DAB1: variants seen among roughly 807,000 people sequenced by gnomAD.
DAB1 encodes the protein disabled homolog 1.
A neutral mutation model predicts 64.6 loss-of-function variants in DAB1; 15 were observed. The ratio of observed to expected loss-of-function variants is 0.23; its 90% CI spans 0.16 to 0.36. The LOEUF is 0.36. Among genes scored for constraint, DAB1 ranks in the 10% least tolerant of loss-of-function variants. The pLI is 1.00. For missense variants in DAB1, 596 were observed against 706.7 expected (o/e 0.84, Z 1.78); for synonymous variants, 235 against 251.9 (o/e 0.93, Z 0.64).
chr1:58,396,233 A>G (rs1456256519), intron 3 of DAB1, among the ~76,000 whole-genome samples: 1 of 152,106 alleles, frequency 6.6e-6, no homozygotes, highest in African/African-American at 2.4e-5. Context: ...GCTGGTCAAG[A>G]GGCCAGCCAT....
At chr1:57,700,882 T>C (rs1646898922) in intron 6 of DAB1, among the ~76,000 whole-genome samples, 2 of 152,184 alleles carry the variant, frequency 1.3e-5, no homozygotes, top group East Asian at 3.8e-4. Context: ...TTCTGCTTTC[T>C]TTTTTTCCTC....
rs190805416 is a variant in DAB1 at position 58,235,193 on chromosome 1, T to C, written n.310-84605A>G. 3.3e-5 allele frequency among the ~76,000 whole-genome samples: 5 copies of C among 152,322 alleles called. No homozygotes were observed. In the East Asian group the frequency reaches 9.6e-4, roughly 29 times the overall value. On this transcript the variant is annotated intron_variant and non_coding_transcript_variant, in intron 4 of 20. Coordinates refer to the DAB1 transcript ENST00000485760. ...TACTCTGAGCTCTGAGCCAAATGCT[T>C]ATCTCCTTTAATGCCCACAGGCATC...
At chr1:58,533,082 T>C (rs1226259135) in intron 1 of DAB1, among the ~76,000 whole-genome samples, 1 of 152,220 alleles carries the variant, frequency 6.6e-6, no homozygotes, top group African/African-American at 2.4e-5. Flanking sequence ...ATACTTTCTC[T>C]AATGTAGACA....
At chr1:57,852,318 T>G (rs72918535) in intron 1 of DAB1, among the ~76,000 whole-genome samples, 4,703 of 152,324 alleles carry the variant, frequency 0.031, 234 homozygotes, top group African/African-American at 0.11. Flanking sequence ...TACCCTTTTT[T>G]GTCCAGGCAC....
intron 1 of DAB1, among the ~76,000 whole-genome samples, chr1:57,320,090 G>A (rs1293776034): frequency 6.6e-6 from 1 of 152,174 alleles, no homozygotes; most frequent in Non-Finnish European, 1.5e-5. Flanking sequence ...CTTAAGTACT[G>A]TGATAGGGTT....
chr1:58,119,670 GGAGCA>G (rs1436633391), intron 5 of DAB1, among the ~76,000 whole-genome samples: 2 of 152,158 alleles, frequency 1.3e-5, no homozygotes, highest in Non-Finnish European at 2.9e-5. Flanking sequence ...CAGGCAAGCT[GGAGCA>G]GAGAAATAGC....
At chr1:57,581,892 C>G (rs1645317663) in intron 7 of DAB1, among the ~76,000 whole-genome samples, 2 of 152,088 alleles carry the variant, frequency 1.3e-5, no homozygotes. Flanking sequence ...AACAACATAC[C>G]ATAGACTGGG....
intron 14 of DAB1, among the ~76,000 whole-genome samples, chr1:57,000,059 TTTGAGATG>T (rs1645791660): frequency 6.7e-6 from 1 of 149,752 alleles, no homozygotes; most frequent in Non-Finnish European, 1.5e-5. Context: ...TTTTTTTTTT[TTTGAGATG>T]GAGTCTCACT....
intron 6 of DAB1, 60 bp from the exon 7 acceptor site, chr1:57,071,121 G>T: frequency 6.8e-7 from 1 of 1,465,550 alleles, no homozygotes; most frequent in Non-Finnish European, 9.5e-7. Context: ...AGAGATGTGA[G>T]ACTGCATTCA....
chr1:57,728,202 T>G (rs1483201929), intron 6 of DAB1, among the ~76,000 whole-genome samples: 2 of 151,934 alleles, frequency 1.3e-5, no homozygotes, highest in Non-Finnish European at 2.9e-5. Flanking sequence ...CATGTGCCTG[T>G]TTTTTTCTGC....
chr1:57,534,897 T>C (rs1288138453), intron 7 of DAB1, among the ~76,000 whole-genome samples: 4 of 152,222 alleles, frequency 2.6e-5, no homozygotes. Context: ...TGCAAAATCA[T>C]GTTACAAAAA....
chr1:57,537,513 G>C (rs1644744973), intron 7 of DAB1, among the ~76,000 whole-genome samples: 1 of 152,088 alleles, frequency 6.6e-6, no homozygotes, highest in Non-Finnish European at 1.5e-5. Context: ...TTTTAAGTTA[G>C]CTTTCCATCT....
intron 4 of DAB1, among the ~76,000 whole-genome samples, chr1:58,245,425 G>C (rs1323202130): frequency 6.6e-6 from 1 of 152,134 alleles, no homozygotes; most frequent in Non-Finnish European, 1.5e-5. Context: ...ATCTGCAAAA[G>C]GACAAGGACA....
intron 5 of DAB1, among the ~76,000 whole-genome samples, chr1:57,947,161 C>A (rs1293710668): frequency 1.3e-5 from 2 of 152,104 alleles, no homozygotes; most frequent in African/African-American, 4.8e-5. Flanking sequence ...TAAAAAGTAA[C>A]TTGCCCAGGA....
chr1:57,730,798 G>T (rs1647376245), intron 6 of DAB1, among the ~76,000 whole-genome samples: 1 of 152,184 alleles, frequency 6.6e-6, no homozygotes, highest in African/African-American at 2.4e-5. Context: ...GATTCAGATG[G>T]CTATTACGAA....
chr1:57,990,218 T>G (rs1415747764), intron 5 of DAB1, among the ~76,000 whole-genome samples: 1 of 152,156 alleles, frequency 6.6e-6, no homozygotes, highest in African/African-American at 2.4e-5. Flanking sequence ...ATGCTGCTGA[T>G]GCAACAGCAG....
chr1:57,960,899 G>C (rs1210948254), intron 5 of DAB1, among the ~76,000 whole-genome samples: 2 of 152,254 alleles, frequency 1.3e-5, no homozygotes, highest in Admixed American at 1.3e-4. Context: ...CATGCAAACA[G>C]GTGTAACAGG....
chr1:57,474,817 T>C (rs897684378), intron 7 of DAB1, among the ~76,000 whole-genome samples: 2 of 152,176 alleles, frequency 1.3e-5, no homozygotes, highest in Non-Finnish European at 2.9e-5. Context: ...AGTATTATAA[T>C]ATAAACATGT....
intron 4 of DAB1, among the ~76,000 whole-genome samples, chr1:57,099,590 G>A (rs1654483242): frequency 6.6e-6 from 1 of 152,200 alleles, no homozygotes; most frequent in Non-Finnish European, 1.5e-5. Context: ...AATACAAAGA[G>A]TTTTGAGGAA....
Sources: gnomAD v4.1 joint callset for allele counts (sites outside exome capture counted in the v4.1 genomes callset) on GRCh38, gnomAD v4.1.1 for gene constraint, MANE v1.5 for transcripts, NCBI Gene and HGNC (gene_info 2026-07-23, HGNC 2026-07-21) for gene names.